Variants in RGS7BP observed in about 807,000 individuals in gnomAD.
RGS7BP encodes regulator of G protein signaling 7-binding protein.
In RGS7BP, 9 loss-of-function variants were observed where a neutral mutation model predicts 31.3. The observed-to-expected ratio is 0.29, with a 90% CI of 0.17 to 0.50. The LOEUF is 0.50. RGS7BP is among the 20% of genes least tolerant of loss of function. The pLI is 0.98. For synonymous variants in RGS7BP, 115 were observed against 120.1 expected (o/e 0.96, Z 0.28); for missense variants, 274 against 322.0 (o/e 0.85, Z 1.14).
intron 2 of RGS7BP, among the ~76,000 whole-genome samples, chr5:64,568,748 A>G (rs189377083): frequency 6.6e-6 from 1 of 151,290 alleles, no homozygotes; most frequent in Admixed American, 6.6e-5. Flanking sequence ...TTATTTCATT[A>G]TAAGCATCGA....
chr5:64,594,289 T>C (rs1333985485), intron 3 of RGS7BP, among the ~76,000 whole-genome samples: 1 of 152,102 alleles, frequency 6.6e-6, no homozygotes, highest in Non-Finnish European at 1.5e-5. Context: ...GAGCTCTCAT[T>C]CTTTCTGCTG....
chr5:64,570,548 T>A (rs1742279746), intron 2 of RGS7BP, among the ~76,000 whole-genome samples: 1 of 152,152 alleles, frequency 6.6e-6, no homozygotes, highest in Admixed American at 6.5e-5. Flanking sequence ...GCTGTTTTTT[T>A]AAAAAGCTAT....
intron 2 of RGS7BP, among the ~76,000 whole-genome samples, chr5:64,516,159 G>T (rs1748968253): frequency 1.3e-5 from 2 of 152,132 alleles, no homozygotes; most frequent in African/African-American, 4.8e-5. Flanking sequence ...GTTAACAAAA[G>T]TCAATTTAAC....
intron 3 of RGS7BP, among the ~76,000 whole-genome samples, chr5:64,586,849 T>C (rs990780627): frequency 6.6e-6 from 1 of 152,186 alleles, no homozygotes; most frequent in Admixed American, 6.5e-5. Flanking sequence ...CTTACCCATA[T>C]ATTTTCCTTC....
At chr5:64,564,214 G>A (rs1042395964) in intron 2 of RGS7BP, among the ~76,000 whole-genome samples, 1 of 152,134 alleles carries the variant, frequency 6.6e-6, no homozygotes, top group African/African-American at 2.4e-5. Flanking sequence ...CACTGGTCAT[G>A]TTCTGCCTCA....
chr5:64,528,378 T>C (rs572719376), intron 2 of RGS7BP, among the ~76,000 whole-genome samples: 1 of 152,254 alleles, frequency 6.6e-6, no homozygotes, highest in East Asian at 1.9e-4. Flanking sequence ...ATAAGAGACA[T>C]CAGTGAAAAA....
intron 2 of RGS7BP, among the ~76,000 whole-genome samples, chr5:64,525,646 T>G (rs1005552750): frequency 1.3e-5 from 2 of 152,092 alleles, no homozygotes; most frequent in African/African-American, 4.8e-5. Context: ...AGAGGTGAGG[T>G]GACTTGCCTT....
At chr5:64,598,283 AGTTG>A in intron 4 of RGS7BP, 78 bp from the exon 5 acceptor site, 1 of 796,498 alleles carries the variant, frequency 1.3e-6, no homozygotes. Context: ...CTCATCTTTC[AGTTG>A]TCTCATATAA....
chr5:64,552,646 G>T (rs1211643971), intron 2 of RGS7BP, among the ~76,000 whole-genome samples: 1 of 152,154 alleles, frequency 6.6e-6, no homozygotes, highest in Non-Finnish European at 1.5e-5. Context: ...TTTATCACCT[G>T]GGTCTGAATT....
At chr5:64,535,917 A>C (rs930129960) in intron 2 of RGS7BP, among the ~76,000 whole-genome samples, 1 of 152,238 alleles carries the variant, frequency 6.6e-6, no homozygotes, top group Non-Finnish European at 1.5e-5. Flanking sequence ...GGTAACACAG[A>C]AAGTCTTGAA....
chr5:64,577,073 A>C (rs980878371), intron 3 of RGS7BP, among the ~76,000 whole-genome samples: 1 of 51,098 alleles, frequency 2.0e-5, no homozygotes, highest in African/African-American at 1.1e-4. Context: ...GAAGCAATTA[A>C]AGGAAAGATT....
At chr5:64,512,296 A>ACTGAT (rs1748859400) in intron 2 of RGS7BP, among the ~76,000 whole-genome samples, 1 of 152,036 alleles carries the variant, frequency 6.6e-6, no homozygotes, top group Non-Finnish European at 1.5e-5. Flanking sequence ...GGGAAAGAGC[A>ACTGAT]CTGATTCTAA....
At chr5:64,551,341 C>T (rs866278579) in intron 2 of RGS7BP, among the ~76,000 whole-genome samples, 2 of 150,934 alleles carry the variant, frequency 1.3e-5, no homozygotes, top group African/African-American at 4.9e-5. Context: ...TGGCTCACTG[C>T]AACCTCTGCC....
chr5:64,609,238 C>T lies in RGS7BP; in HGVS notation c.760C>T (p.Leu254Phe). ...RKRRFFGLCC[L>F]ISS ...GAGAAGGTTCTTTGGGCTGTGTTGT[C>T]TCATCTCAAGCTAGGTGGCTCCTCC... is the stretch of plus-strand genomic sequence containing the variant. Residue 254 changes from leucine (L) to phenylalanine (F), a missense_variant, in exon 6 of 6, where the codon CTC becomes TTC. Leu to Phe is a conservative substitution (Grantham distance 22). Coordinates refer to ENST00000334025, the MANE Select transcript of RGS7BP (RefSeq NM_001029875.3). 2 of 1,605,214 alleles carry T rather than the reference C, an allele frequency of 1.2e-6. No individual in the cohort carries two copies. The highest frequency in any genetic ancestry group is 1.7e-6 in the Non-Finnish European group (2 of 1,172,320).
intron 5 of RGS7BP, 142 bp downstream of exon 5, chr5:64,598,577 T>C (rs1743137590): frequency 1.5e-6 from 1 of 685,940 alleles, no homozygotes; most frequent in Middle Eastern, 2.5e-4. Context: ...CAAGAAGATA[T>C]CAAAATGAGA....
chr5:64,568,101 T>C (rs1742213907), intron 2 of RGS7BP, among the ~76,000 whole-genome samples: 1 of 151,784 alleles, frequency 6.6e-6, no homozygotes, highest in South Asian at 2.1e-4. Flanking sequence ...TACATATATA[T>C]ATCTTTACAT....
intron 2 of RGS7BP, among the ~76,000 whole-genome samples, chr5:64,571,194 G>A (rs1742293907): frequency 6.6e-6 from 1 of 151,966 alleles, no homozygotes; most frequent in Non-Finnish European, 1.5e-5. Flanking sequence ...TTTTGTGTAA[G>A]GATTTTCTCA....
At chr5:64,604,581 T>C (rs1385498714) in intron 5 of RGS7BP, among the ~76,000 whole-genome samples, 3 of 152,250 alleles carry the variant, frequency 2.0e-5, no homozygotes, top group Non-Finnish European at 4.4e-5. Context: ...TTGTAAGAAA[T>C]GCTGATCCTC....
chr5:64,598,664 C>T (rs1230183268), intron 5 of RGS7BP, among the ~76,000 whole-genome samples: 1 of 152,156 alleles, frequency 6.6e-6, no homozygotes, highest in Non-Finnish European at 1.5e-5. Context: ...AACTCCTTCT[C>T]CACTGGCCCT....
Sources: allele counts gnomAD v4.1 joint callset (sites outside exome capture counted in the v4.1 genomes callset), GRCh38; gene constraint gnomAD v4.1.1; transcripts MANE v1.5; gene names NCBI Gene and HGNC (gene_info 2026-07-23, HGNC 2026-07-21).